Variants in DSP observed in about 807,000 individuals in gnomAD.
The protein encoded by DSP is desmoplakin.
A neutral mutation model predicts 290.6 loss-of-function variants in DSP; 114 were observed. That is an observed-to-expected ratio of 0.39 (90% CI 0.34 to 0.46). The LOEUF (loss-of-function observed/expected upper bound fraction) is 0.46, where lower values mean the gene tolerates loss of function less well. Ranked by LOEUF, DSP falls within the 20% of genes least tolerant of loss-of-function variation. DSP has a pLI of 0.99. For missense variants in DSP, 3,230 were observed against 3,495.8 expected (o/e 0.92, Z 1.92); for synonymous variants, 1,311 against 1,316.4 (o/e 1.00, Z 0.09).
chr6:7,571,447 A>G lies in DSP; in HGVS notation c.1766A>G (p.Glu589Gly), dbSNP rs1682994159. Residue 589 changes from glutamate (E) to glycine (G), a missense_variant, in exon 14 of 24, where the codon GAG (glutamate) becomes GGG (glycine). By Grantham distance (98) the Glu-to-Gly change is moderately conservative (BLOSUM62 -2). Coordinates refer to ENST00000379802, the MANE Select transcript of DSP (RefSeq NM_004415.4). ...GCCGACCTTGAGTTACATTACCAAG[A>G]GTTCATCAGAAATAGCCAAGGCTCA... is the stretch of plus-strand genomic sequence containing the variant. ...TIADLELHYQ[E>G]FIRNSQGSEM... 3.1e-6 allele frequency: 5 copies of G among 1,614,216 alleles called. No homozygotes were observed. The highest frequency in any genetic ancestry group is 4.2e-6 in the Non-Finnish European group (5 of 1,180,046).
At chr6:7,564,124 C>T (rs1379790709) in intron 6 of DSP, among the ~76,000 whole-genome samples, 2 of 152,174 alleles carry the variant, frequency 1.3e-5, no homozygotes, top group Admixed American at 6.5e-5. Context: ...AAGTCAGTCC[C>T]TACTGCTGTT....
Position 7,541,799 on chromosome 6 carries a change from C to T in DSP, c.-117C>T. The stretch of plus-strand genomic sequence containing the variant: ...GCGAGCAGCGACCTCGCGAGCCTTC[C>T]GCACTCCCGCCCGGTTCCCCGGCCG... On this transcript the variant is annotated 5_prime_UTR_variant, in exon 1 of 24. Transcript: ENST00000379802. 9.6e-6 allele frequency: 13 copies of T among 1,349,738 alleles called. No individual in the cohort carries two copies. The highest frequency in any genetic ancestry group is 1.3e-5 in the Non-Finnish European group (13 of 1,011,588). The allele number at this position is 1,349,738 out of a possible 1,614,324, so 83.6% of individuals were successfully genotyped here.
intron 14 of DSP, 94 bp from the exon 15 acceptor site, chr6:7,571,747 AG>A (rs1330011156): frequency 8.0e-6 from 12 of 1,497,086 alleles, no homozygotes; most frequent in Non-Finnish European, 1.1e-5. Flanking sequence ...CAAAGGAAGA[AG>A]GTATACTTTT....
Position 7,583,929 on chromosome 6 carries a change from G to T in DSP, c.6667G>T (p.Val2223Leu), listed in dbSNP as rs1357676899. ...ACAACCTGTGACCGTCACTGAGCTAGTAGATTCTGGTATATTGAGACCGTC... is the reference window on the plus strand; with the variant it reads ...ACAACCTGTGACCGTCACTGAGCTATTAGATTCTGGTATATTGAGACCGTC... ...IRQPVTVTEL[V>L]DSGILRPSTV... The change falls in exon 24 of 24, where the codon GTA becomes TTA. Residue 2223 changes from valine (V) to leucine (L), a missense_variant. By Grantham distance (32) the Val-to-Leu change is conservative. Around this residue, in one of 5 missense-constraint regions of DSP, gnomAD observed 207 missense variants for 281.2 expected, o/e 0.74. Coordinates refer to ENST00000379802, the MANE Select transcript of DSP (RefSeq NM_004415.4). The surrounding 1 kb of genome is among the most constrained non-coding windows in gnomAD (Gnocchi z 4.0). 6.2e-7 allele frequency: 1 copy of T among 1,614,196 alleles called. No homozygotes were observed. Among genetic ancestry groups the T allele is most frequent in the South Asian group, 1.1e-5 (1 of 91,082 alleles).
rs75758449 is a variant in DSP, at chr6:7,546,620, A to G, written c.170+4535A>G. Among the ~76,000 whole-genome samples the G allele has an allele frequency of 7.9e-3, 1,208 of 152,326 alleles. 38 individuals carry two copies. In the East Asian group the frequency reaches 0.11, roughly 14 times the overall value. ...GTATACCACAATGACGCAAGAGAAG[A>G]TTAAACCTGCAGTGTGAGAATTCAC... On this transcript the variant is annotated intron_variant, in intron 1 of 23. Coordinates refer to ENST00000379802, the MANE Select transcript of DSP (RefSeq NM_004415.4).
intron 7 of DSP, 68 bp from the exon 8 acceptor site, chr6:7,566,309 G>A: frequency 7.8e-7 from 1 of 1,279,622 alleles, no homozygotes; most frequent in Non-Finnish European, 1.1e-6. Flanking sequence ...CTTTTAAAAA[G>A]TACTGTGGGG....
chr6:7,567,955 T>C lies in DSP; in HGVS notation c.1266+49T>C, dbSNP rs1758915084. The C allele has an allele frequency of 1.2e-6, 2 of 1,607,952 alleles. 1 individual carries two copies. The highest frequency in any genetic ancestry group is 3.3e-5 in the Admixed American group (2 of 59,840). On this transcript the variant is annotated intron_variant, in intron 10 of 23. Coordinates refer to ENST00000379802, the MANE Select transcript of DSP (RefSeq NM_004415.4). The stretch of plus-strand genomic sequence containing the variant: ...CAGCAGCTGTGCCTGATCAGGGAGA[T>C]AAAACACATGCCTTGGATGCAGTTG...
intron 1 of DSP, among the ~76,000 whole-genome samples, chr6:7,549,379 C>T (rs1037415540): frequency 6.6e-6 from 1 of 152,182 alleles, no homozygotes; most frequent in South Asian, 2.1e-4. Context: ...GAACTCCCGA[C>T]CTCAGGTGAT....
At position 7,565,403 on chromosome 6, in the gene DSP, C is replaced by T. The variant is rs765481723; in HGVS notation, c.822C>T (p.Asn274=). ...ERMDHLRQLQ[N]IIQATSREIM... is the part of the protein sequence containing the mutation. ...TGGATCACCTGCGACAGCTGCAGAA[C>T]ATCATTCAGGCCACGTCCAGGGAGA... The change falls in exon 7 of 24, where the codon AAC becomes AAT. Residue 274 remains asparagine (N), a synonymous_variant. Transcript: ENST00000379802. This position sits in a 1 kb window ranked among gnomAD's most constrained non-coding sequence, Gnocchi z 4.2. 1.2e-6 allele frequency: 2 copies of T among 1,614,136 alleles called. No individual in the cohort carries two copies. The highest frequency in any genetic ancestry group is 1.1e-5 in the South Asian group (1 of 91,086).
At chr6:7,576,810 C>T in intron 19 of DSP, 149 bp from the exon 20 acceptor site, 1 of 764,506 alleles carries the variant, frequency 1.3e-6, no homozygotes, top group Non-Finnish European at 2.1e-6. Context: ...TGCTCATCTC[C>T]TAAGCTGTAA....
rs183380653 is a variant in DSP, at chr6:7,571,692, C to A, written c.1903+108C>A. The A allele has an allele frequency of 1.7e-3, 2,486 of 1,504,056 alleles. 10 individuals carry two copies. The highest frequency in any genetic ancestry group is 6.7e-3 in the Middle Eastern group (38 of 5,634). 93.2% of individuals were successfully genotyped at this position (1,504,056 alleles called of 1,614,324 possible). A position where few individuals can be genotyped will look rare whatever the true frequency, so the allele number is the denominator to read the frequency against. On this transcript the variant is annotated intron_variant, in intron 14 of 23. Transcript: ENST00000379802. ...AACCATTTCTCTGAATGCTATATAG[C>A]CAGTGTTCTTCGTGCACTAAATTTT...
At position 7,541,967 on chromosome 6, in the gene DSP, A is replaced by C. The variant is rs1309975219; in HGVS notation, c.52A>C (p.Ile18Leu). The change falls in exon 1 of 24, where the codon ATC becomes CTC. Residue 18 changes from isoleucine (I) to leucine (L), a missense_variant. This residue lies in a region of DSP where 646 missense variants were observed against 684.3 expected (regional missense o/e 0.94). Transcript: ENST00000379802. ...HPRINTLGRM[I>L]RAESGPDLRY... The stretch of plus-strand genomic sequence containing the variant: ...GCGGATCAACACTCTGGGCCGCATG[A>C]TCCGCGCCGAGTCTGGCCCGGACCT... 2.5e-6 allele frequency: 4 copies of C among 1,606,972 alleles called. No homozygotes were observed. Among genetic ancestry groups the C allele is most frequent in the African/African-American group, 1.3e-5 (1 of 74,802 alleles).
Position 7,580,295 on chromosome 6 carries a change from G to T in DSP, c.4105G>T (p.Glu1369Ter). The T allele has an allele frequency of 6.2e-7, 1 of 1,613,704 alleles. No homozygotes were observed. The highest frequency in any genetic ancestry group is 1.1e-5 in the South Asian group (1 of 91,018). The change falls in exon 23 of 24, where the codon GAG becomes TAG. Residue 1369 changes from glutamate to a stop codon, truncating the protein, a stop_gained. Transcript: ENST00000379802. LOFTEE classifies it high-confidence loss of function. The surrounding 1 kb of genome is among the most constrained non-coding windows in gnomAD (Gnocchi z 4.2). ...IISLKNQFET[E>*]INITKTTIHQ... Reference sequence around the variant, plus strand: ...TAGCTTAAAAAATCAGTTTGAGACCGAGATCAACATCACCAAGACCACCAT... The same window carrying T: ...TAGCTTAAAAAATCAGTTTGAGACCTAGATCAACATCACCAAGACCACCAT...
chr6:7,585,119 T>C lies in DSP; in HGVS notation c.7857T>C (p.Ile2619=). The C allele has an allele frequency of 6.2e-7, 1 of 1,614,174 alleles. No individual in the cohort carries two copies. The highest frequency in any genetic ancestry group is 8.5e-7 in the Non-Finnish European group (1 of 1,180,032). The change falls in exon 24 of 24, where the codon ATT becomes ATC. Residue 2619 remains isoleucine, a synonymous_variant. Coordinates refer to ENST00000379802, the MANE Select transcript of DSP (RefSeq NM_004415.4). ...FSDTLEESSP[I]AAIFDTENLE... is the part of the protein sequence containing the mutation. ...ACACCCTGGAAGAATCGAGCCCCATTGCAGCCATCTTTGACACAGAAAACC... is the reference window on the plus strand; with the variant it reads ...ACACCCTGGAAGAATCGAGCCCCATCGCAGCCATCTTTGACACAGAAAACC...
chr6:7,552,498 G>C (rs1429236088), intron 1 of DSP, among the ~76,000 whole-genome samples: 2 of 150,996 alleles, frequency 1.3e-5, no homozygotes, highest in East Asian at 3.9e-4. Flanking sequence ...AGGAAGTGGA[G>C]GTTGCAGTGA....
Position 7,555,751 on chromosome 6 carries a change from G to C in DSP, c.204G>C (p.Gln68His). Residue 68 changes from glutamine (Q) to histidine (H), a missense_variant, in exon 2 of 24, where the codon CAG (glutamine) becomes CAC (histidine). Gln to His is a conservative substitution (Grantham distance 24). Coordinates refer to ENST00000379802, the MANE Select transcript of DSP (RefSeq NM_004415.4). ...GCACGATGTCCAGGCACCAGAACCAGAACACCATCCAGGAGCTGCTGCAGA... is the reference window on the plus strand; with the variant it reads ...GCACGATGTCCAGGCACCAGAACCACAACACCATCCAGGAGCTGCTGCAGA... ...QTGTMSRHQN[Q>H]NTIQELLQNC... 1 of 1,614,254 alleles carries C rather than the reference G, an allele frequency of 6.2e-7. No homozygotes were observed. Among genetic ancestry groups the C allele is most frequent in the South Asian group, 1.1e-5 (1 of 91,086 alleles).
intron 1 of DSP, among the ~76,000 whole-genome samples, chr6:7,548,748 C>T (rs73373394): frequency 0.016 from 2,422 of 152,324 alleles, 56 homozygotes; most frequent in African/African-American, 0.054. Context: ...TGTTTGCTCA[C>T]TGCTGGAGTG....
Position 7,580,609 on chromosome 6 carries a change from C to T in DSP, c.4419C>T (p.Ala1473=), listed in dbSNP as rs727504542. The part of the protein sequence containing the change: ...VRYKQSLDDA[A]KTIQDKNKEI... The stretch of plus-strand genomic sequence containing the variant: ...ATAAGCAATCTCTTGATGATGCTGC[C>T]AAAACCATCCAGGATAAAAACAAGG... Residue 1473 remains alanine (A), a synonymous_variant, in exon 23 of 24, where the codon GCC becomes GCT. Transcript: ENST00000379802. This position sits in a 1 kb window ranked among gnomAD's most constrained non-coding sequence, Gnocchi z 4.2. The T allele has an allele frequency of 2.2e-5, 35 of 1,613,856 alleles. No homozygotes were observed. In the South Asian group the frequency reaches 2.5e-4, roughly 12 times the overall value.
intron 1 of DSP, among the ~76,000 whole-genome samples, chr6:7,550,816 C>CA (rs933123990): frequency 6.7e-6 from 1 of 150,020 alleles, no homozygotes; most frequent in African/African-American, 2.5e-5. Flanking sequence ...TTTAAAAAAG[C>CA]ACATGACATC....
Sources: allele counts gnomAD v4.1 joint callset (sites outside exome capture counted in the v4.1 genomes callset), GRCh38; gene constraint gnomAD v4.1.1; regional missense constraint gnomAD v4.1.1; non-coding constraint Gnocchi (gnomAD v3.1); transcripts MANE v1.5; gene names NCBI Gene and HGNC (gene_info 2026-07-23, HGNC 2026-07-21).